Variants in TAFA4 observed in about 807,000 individuals in gnomAD.
TAFA4 encodes TAFA chemokine like family member 4, also known as chemokine-like protein TAFA-4.
A neutral mutation model predicts 21.1 loss-of-function variants in TAFA4; 20 were observed. The observed-to-expected ratio is 0.95, with a 90% confidence interval of 0.67 to 1.38. The LOEUF (loss-of-function observed/expected upper bound fraction) is 1.38. Among genes scored for constraint, TAFA4 ranks in the 40% most tolerant of loss-of-function variants. The pLI is 0.00. For missense variants in TAFA4, 211 were observed against 180.9 expected, an observed-to-expected ratio of 1.17 and a Z score of -0.95; for synonymous variants, 71 against 67.4, an observed-to-expected ratio of 1.05 and a Z score of -0.26.
At chr3:68,851,877 G>T (rs1458007615) in intron 3 of TAFA4, among the ~76,000 whole-genome samples, 1 of 152,138 alleles carries the variant, frequency 6.6e-6, no homozygotes, top group African/African-American at 2.4e-5. Flanking sequence ...ACAATATTGA[G>T]ATCAGATCTA....
chr3:68,817,165 A>G (rs1703998301), intron 3 of TAFA4, among the ~76,000 whole-genome samples: 1 of 152,238 alleles, frequency 6.6e-6, no homozygotes, highest in Non-Finnish European at 1.5e-5. Flanking sequence ...AAATTTATGT[A>G]ATATACTAAA....
intron 3 of TAFA4, among the ~76,000 whole-genome samples, chr3:68,874,909 A>G (rs2089528733): frequency 6.6e-6 from 1 of 152,174 alleles, no homozygotes; most frequent in Non-Finnish European, 1.5e-5. Flanking sequence ...GAAGAAGCCA[A>G]ATATGAACAC....
intron 1 of TAFA4, among the ~76,000 whole-genome samples, chr3:68,908,754 C>T (rs1158408240): frequency 6.6e-6 from 1 of 152,156 alleles, no homozygotes; most frequent in Admixed American, 6.5e-5. Context: ...TCTTATGTTT[C>T]ATTAACAAAA....
intron 3 of TAFA4, among the ~76,000 whole-genome samples, chr3:68,850,184 G>A (rs899200537): frequency 6.6e-6 from 1 of 152,064 alleles, no homozygotes; most frequent in Non-Finnish European, 1.5e-5. Flanking sequence ...AACACTCAGG[G>A]GTAGGTATCA....
intron 3 of TAFA4, among the ~76,000 whole-genome samples, chr3:68,831,002 G>C (rs978656262): frequency 6.6e-6 from 1 of 152,144 alleles, no homozygotes; most frequent in Non-Finnish European, 1.5e-5. Context: ...CAGAGACCAG[G>C]ATTGCAACCC....
chr3:68,898,419 A>G (rs747474218), intron 1 of TAFA4, among the ~76,000 whole-genome samples: 1 of 152,182 alleles, frequency 6.6e-6, no homozygotes, highest in Non-Finnish European at 1.5e-5. Context: ...TTGGGAGGCC[A>G]AGGTGGGCGG....
intron 3 of TAFA4, among the ~76,000 whole-genome samples, chr3:68,815,382 C>A (rs931802488): frequency 1.3e-5 from 2 of 152,114 alleles, no homozygotes; most frequent in Non-Finnish European, 2.9e-5. Context: ...AGGCAGCGTA[C>A]AGAATGGGAG....
chr3:68,789,409 A>C (rs1703322905), intron 3 of TAFA4, among the ~76,000 whole-genome samples: 2 of 152,160 alleles, frequency 1.3e-5, no homozygotes, highest in South Asian at 4.2e-4. Flanking sequence ...GTAGATCTTA[A>C]ATATTCTTAC....
At chr3:68,924,723 AT>A (rs948541038) in intron 1 of TAFA4, among the ~76,000 whole-genome samples, 5 of 152,120 alleles carry the variant, frequency 3.3e-5, no homozygotes, top group African/African-American at 9.7e-5. Context: ...TACTATTATA[AT>A]TTTTTTAAAG....
At chr3:68,815,320 C>A (rs896263312) in intron 3 of TAFA4, among the ~76,000 whole-genome samples, 1 of 152,158 alleles carries the variant, frequency 6.6e-6, no homozygotes, top group South Asian at 2.1e-4. Flanking sequence ...AATGGGATCT[C>A]ATTAAAGTAA....
intron 3 of TAFA4, among the ~76,000 whole-genome samples, chr3:68,771,582 C>G (rs554305942): frequency 6.6e-6 from 1 of 152,054 alleles, no homozygotes; most frequent in East Asian, 1.9e-4. Flanking sequence ...TAAAACCCAA[C>G]AAAAAAAGTT....
chr3:68,741,332 C>A (rs1231194614), intron 4 of TAFA4, among the ~76,000 whole-genome samples: 2 of 151,714 alleles, frequency 1.3e-5, no homozygotes, highest in Non-Finnish European at 2.9e-5. Context: ...ATTTTTTTAC[C>A]TCCTTGGTTA....
Position 68,739,115 on chromosome 3 carries a change from C to G in TAFA4, c.371G>C (p.Gly124Ala). 1 of 1,613,968 alleles carries G rather than the reference C, an allele frequency of 6.2e-7. No homozygotes were observed. Reference protein sequence around the residue: ...EDCKVLPDYSGWSCSSGNKVK... With the variant: ...EDCKVLPDYSAWSCSSGNKVK... ...TTTATTGCCACTGCTACAGGACCAA[C>G]CTGAGTAATCTGGCAGCACTTTACA... The change falls in exon 5 of 6, where the codon GGT becomes GCT. Residue 124 changes from glycine to alanine, a missense_variant. Coordinates refer to ENST00000295569, the MANE Select transcript of TAFA4 (RefSeq NM_182522.5).
chr3:68,887,589 G>C (rs2089685957), intron 1 of TAFA4, among the ~76,000 whole-genome samples: 2 of 152,140 alleles, frequency 1.3e-5, no homozygotes, highest in South Asian at 4.1e-4. Flanking sequence ...AGGTGACTAT[G>C]GCCCCAAGGC....
At chr3:68,885,153 G>T (rs2089657978) in intron 2 of TAFA4, 22 bp downstream of exon 2, 1 of 1,610,986 alleles carries the variant, frequency 6.2e-7, no homozygotes, top group South Asian at 1.1e-5. Flanking sequence ...TCATGTCCAG[G>T]TGAACGTTAA....
chr3:68,883,822 C>G (rs2089642993), intron 2 of TAFA4, among the ~76,000 whole-genome samples: 1 of 151,994 alleles, frequency 6.6e-6, no homozygotes, highest in South Asian at 2.1e-4. Flanking sequence ...AATCCCAGCA[C>G]ACTGGGAGAC....
Position 68,917,476 on chromosome 3 carries a change from C to T in TAFA4, c.-123+14764G>A, listed in dbSNP as rs113692867. ...CAGACTGAAAGTTCCCAGGAACGAC[C>T]GGGCATGGTGGCTCACACCTGTAAT... On this transcript the variant is annotated intron_variant, in intron 1 of 5. Coordinates refer to ENST00000295569, the MANE Select transcript of TAFA4 (RefSeq NM_182522.5). Among the ~76,000 whole-genome samples, 938 of 151,878 alleles carry T rather than the reference C, an allele frequency of 6.2e-3. 12 individuals carry two copies. The highest frequency in any genetic ancestry group is 0.021 in the African/African-American group (886 of 41,414).
At chr3:68,866,534 A>G (rs1200079615) in intron 3 of TAFA4, among the ~76,000 whole-genome samples, 1 of 151,916 alleles carries the variant, frequency 6.6e-6, no homozygotes, top group Non-Finnish European at 1.5e-5. Flanking sequence ...TTCACGAGAA[A>G]TAACAGCAAA....
chr3:68,809,817 T>G (rs1031933599), intron 3 of TAFA4, among the ~76,000 whole-genome samples: 1 of 152,174 alleles, frequency 6.6e-6, no homozygotes, highest in African/African-American at 2.4e-5. Flanking sequence ...GATTGCCCTT[T>G]CCCCACTGTG....
Sources: allele counts gnomAD v4.1 joint callset (sites outside exome capture counted in the v4.1 genomes callset), GRCh38; gene constraint gnomAD v4.1.1; transcripts MANE v1.5; gene names NCBI Gene and HGNC (gene_info 2026-07-23, HGNC 2026-07-21).